Variants in MAPK10 observed in about 807,000 individuals in gnomAD.
MAPK10 encodes the protein JNK3 alpha protein kinase.
Under a neutral mutation model 59.3 loss-of-function variants are expected in MAPK10, and 25 were observed. The observed-to-expected ratio is 0.42, with a 90% CI of 0.31 to 0.59. The LOEUF is 0.59. Ranked by LOEUF, MAPK10 falls within the 20% of genes least tolerant of loss-of-function variation. MAPK10 has a pLI of 0.15. For missense variants in MAPK10, 351 were observed against 568.9 expected, an observed-to-expected ratio of 0.62 and a Z score of 3.90; for synonymous variants, 190 against 200.5, an observed-to-expected ratio of 0.95 and a Z score of 0.44.
At chr4:86,071,648 G>A (rs1336795905) in intron 9 of MAPK10, among the ~76,000 whole-genome samples, 2 of 151,058 alleles carry the variant, frequency 1.3e-5, no homozygotes, top group Non-Finnish European at 3.0e-5. Context: ...ATTAAATAGG[G>A]AATCCTTTCC....
intron 2 of MAPK10, among the ~76,000 whole-genome samples, chr4:86,195,412 A>G (rs1340472530): frequency 6.6e-6 from 1 of 152,208 alleles, no homozygotes; most frequent in African/African-American, 2.4e-5. Flanking sequence ...AACATCTTTC[A>G]GAATGCATAG....
At chr4:86,375,187 C>T (rs1381636483) in intron 1 of MAPK10, among the ~76,000 whole-genome samples, 2 of 152,116 alleles carry the variant, frequency 1.3e-5, no homozygotes, top group Non-Finnish European at 2.9e-5. Context: ...TGTGTGCACA[C>T]ACACACATAC....
At chr4:86,110,380 T>C (rs1419334490) in intron 4 of MAPK10, among the ~76,000 whole-genome samples, 3 of 152,186 alleles carry the variant, frequency 2.0e-5, no homozygotes. Flanking sequence ...ACTTCTTTAA[T>C]CCATCTTGAG....
intron 1 of MAPK10, among the ~76,000 whole-genome samples, chr4:86,450,993 A>T (rs1017925018): frequency 7.2e-5 from 11 of 152,190 alleles, no homozygotes; most frequent in African/African-American, 2.7e-4. Flanking sequence ...TTACGCAAAG[A>T]AAGGGAGCAT....
chr4:86,542,609 T>TA lies in MAPK10; in HGVS notation c.-263+51300dup, dbSNP rs1161289562. ...AGCCTGGGCAACGTGAGACTCTCTCTAAAAAAAAGAAACTCCCTATGATAA... is the reference window on the plus strand; with the variant it reads ...AGCCTGGGCAACGTGAGACTCTCTCTAAAAAAAAAGAAACTCCCTATGATAA... On this transcript the variant is annotated intron_variant, in intron 1 of 4. Transcript: ENST00000502302. 1.1e-4 allele frequency: 17 copies of TA among 153,990 alleles called. No individual in the cohort carries two copies. In the East Asian group the frequency reaches 2.1e-3, roughly 19 times the overall value. The allele number at this position is 153,990 out of a possible 1,614,324, so 9.5% of individuals were successfully genotyped here.
chr4:86,372,564 G>GAAAGGAAGGAAGGAAAAGA (rs1554253764), intron 1 of MAPK10, among the ~76,000 whole-genome samples: 1 of 78,690 alleles, frequency 1.3e-5, no homozygotes. Flanking sequence ...AAGAAAGAAA[G>GAAAGGAAGGAAGGAAAAGA]AAAGAAAAGA....
At chr4:86,457,003 A>C (rs1011918316), upstream of MAPK10, among the ~76,000 whole-genome samples, 1 of 152,196 alleles carries the variant, frequency 6.6e-6, no homozygotes, top group Non-Finnish European at 1.5e-5. Flanking sequence ...ATGGTTTAAC[A>C]TACATAAGTC....
intron 5 of MAPK10, 35 bp from the exon 6 acceptor site, chr4:86,103,279 G>T: frequency 9.4e-7 from 1 of 1,060,128 alleles, no homozygotes. Flanking sequence ...GGAAACGAGA[G>T]AAAGAAAAAA....
intron 1 of MAPK10, among the ~76,000 whole-genome samples, chr4:86,440,672 GAAATA>G (rs1484576967): frequency 6.6e-6 from 1 of 150,558 alleles, no homozygotes; most frequent in African/African-American, 2.4e-5. Flanking sequence ...TGAAATTATT[GAAATA>G]AAATATAATA....
intron 4 of MAPK10, among the ~76,000 whole-genome samples, chr4:86,148,019 T>C (rs554864275): frequency 6.6e-6 from 1 of 152,360 alleles, no homozygotes; most frequent in African/African-American, 2.4e-5. Context: ...ATAAATTTAA[T>C]AGTTAACATT....
intron 4 of MAPK10, chr4:86,107,750 A>T: frequency 5.1e-6 from 3 of 583,534 alleles, no homozygotes; most frequent in Non-Finnish European, 6.5e-6. Context: ...TCTGAGCTTG[A>T]ATTTCTCATC....
chr4:86,571,880 T>C (rs944826686), intron 1 of MAPK10, among the ~76,000 whole-genome samples: 4 of 152,120 alleles, frequency 2.6e-5, no homozygotes, highest in African/African-American at 9.7e-5. Flanking sequence ...ATATAAAATA[T>C]AAAGCTTTTT....
intron 8 of MAPK10, chr4:86,100,796 T>C: frequency 2.8e-6 from 1 of 354,472 alleles, no homozygotes; most frequent in South Asian, 4.8e-5. Flanking sequence ...CTTGACTGTT[T>C]AATCAGACTC....
chr4:86,416,110 T>G (rs1282246792), intron 1 of MAPK10, among the ~76,000 whole-genome samples: 2 of 152,112 alleles, frequency 1.3e-5, no homozygotes, highest in African/African-American at 4.8e-5. Context: ...TCTACAGAGG[T>G]AATTAATGTT....
intron 1 of MAPK10, among the ~76,000 whole-genome samples, chr4:86,581,885 T>A (rs1449330401): frequency 7.5e-6 from 1 of 134,122 alleles, no homozygotes; most frequent in African/African-American, 2.8e-5. Context: ...GTAAAACACT[T>A]TAAGCTATAT....
At chr4:86,196,407 G>T (rs2081318293) in intron 2 of MAPK10, among the ~76,000 whole-genome samples, 1 of 152,114 alleles carries the variant, frequency 6.6e-6, no homozygotes. Context: ...TTTTGATGGG[G>T]TTGTAAGCTT....
intron 2 of MAPK10, 21 bp from the exon 3 acceptor site, chr4:86,194,428 G>C: frequency 7.1e-7 from 1 of 1,401,658 alleles, no homozygotes; most frequent in Non-Finnish European, 1.0e-6. Context: ...AAGAAATGGA[G>C]CATAAATTTT....
intron 1 of MAPK10, among the ~76,000 whole-genome samples, chr4:86,439,409 T>C (rs566345819): frequency 6.6e-6 from 1 of 152,354 alleles, no homozygotes; most frequent in South Asian, 2.1e-4. Context: ...TTCATATTCT[T>C]ATGTGCATCA....
At chr4:86,243,757 T>C (rs1441151353) in intron 2 of MAPK10, among the ~76,000 whole-genome samples, 1 of 133,450 alleles carries the variant, frequency 7.5e-6, no homozygotes, top group African/African-American at 2.9e-5. Flanking sequence ...ATCCTAGTAG[T>C]CTGAATCTCT....
Sources: allele counts gnomAD v4.1 joint callset (sites outside exome capture counted in the v4.1 genomes callset), GRCh38; gene constraint gnomAD v4.1.1; transcripts MANE v1.5; gene names NCBI Gene and HGNC (gene_info 2026-07-23, HGNC 2026-07-21).